PDE10A: variants seen among roughly 807,000 people sequenced by gnomAD.
The protein encoded by PDE10A is phosphodiesterase 10A.
Under a neutral mutation model 97.7 loss-of-function variants are expected in PDE10A, and 39 were observed. That is an observed-to-expected ratio of 0.40 (90% confidence interval 0.31 to 0.52). The LOEUF (loss-of-function observed/expected upper bound fraction) is 0.52. Among genes scored for constraint, PDE10A ranks in the 20% least tolerant of loss-of-function variants. The probability of loss-of-function intolerance (pLI) is 0.56; values close to 1 mark genes in which losing one functional copy is unlikely to be tolerated. For missense variants in PDE10A, 731 were observed against 1,047.8 expected (o/e 0.70, Z 4.17); for synonymous variants, 371 against 376.8 (o/e 0.98, Z 0.18).
At chr6:165,579,776 CCT>C (rs1332988146) in intron 1 of PDE10A, among the ~76,000 whole-genome samples, 2 of 152,190 alleles carry the variant, frequency 1.3e-5, no homozygotes, top group Non-Finnish European at 2.9e-5. Flanking sequence ...TTCCTCATGA[CCT>C]CTCTGACCTT....
At chr6:165,949,821 A>T (rs964863469) in intron 1 of PDE10A, 1 of 152,236 alleles carries the variant, frequency 6.6e-6, no homozygotes, top group African/African-American at 2.4e-5. Context: ...AAACGAACAC[A>T]TCCAAAGATG....
At chr6:165,894,628 A>G (rs1432115211) in intron 1 of PDE10A, 1 of 434,470 alleles carries the variant, frequency 2.3e-6, no homozygotes, top group African/African-American at 2.0e-5. Flanking sequence ...CATGAAGAAG[A>G]TAAGCAGTCT....
At chr6:165,423,851 G>GAA (rs11421666) in intron 10 of PDE10A, among the ~76,000 whole-genome samples, 65 of 142,552 alleles carry the variant, frequency 4.6e-4, no homozygotes, top group Admixed American at 1.2e-3. Context: ...TATGTCTCAG[G>GAA]AAAAAAAAAA....
intron 1 of PDE10A, among the ~76,000 whole-genome samples, chr6:165,935,739 AC>A (rs550553410): frequency 3.3e-5 from 5 of 152,340 alleles, no homozygotes; most frequent in African/African-American, 1.2e-4. Flanking sequence ...GATTAATGCC[AC>A]TATATCAGGG....
At chr6:165,612,471 C>T (rs1448839224) in intron 1 of PDE10A, among the ~76,000 whole-genome samples, 2 of 151,968 alleles carry the variant, frequency 1.3e-5, no homozygotes, top group East Asian at 1.9e-4. Context: ...CAGGTTCAAG[C>T]GATTCTCCTG....
rs1473483360 is a variant in PDE10A at position 165,388,652 on chromosome 6, CCTTT to C, written c.2455-203_2455-200del. ...CAGATAATCTAACTCATTTGTAGGC[CCTTT>C]CTTTGTTTCTCTGCTTAGGAATCTG... On this transcript the variant is annotated intron_variant, in intron 16 of 21. Coordinates refer to ENST00000539869, the MANE Select transcript of PDE10A (RefSeq NM_001385079.1). This position sits in a 1 kb window ranked among gnomAD's most constrained non-coding sequence, Gnocchi z 4.0. Among the ~76,000 whole-genome samples the C allele has an allele frequency of 6.6e-6, 1 of 152,014 alleles. No individual in the cohort carries two copies. Among genetic ancestry groups the C allele is most frequent in the Non-Finnish European group, 1.5e-5 (1 of 68,010 alleles).
chr6:165,546,522 C>T (rs555230812), intron 1 of PDE10A, among the ~76,000 whole-genome samples: 16 of 152,126 alleles, frequency 1.1e-4, no homozygotes, highest in Middle Eastern at 6.8e-3. Context: ...TATAAAACAA[C>T]CTCCCTGAAG....
chr6:165,454,367 T>G (rs1777813585), intron 3 of PDE10A, among the ~76,000 whole-genome samples: 1 of 152,172 alleles, frequency 6.6e-6, no homozygotes, highest in African/African-American at 2.4e-5. Context: ...TGAATTTTGG[T>G]GGCCAGGGGT....
intron 20 of PDE10A, among the ~76,000 whole-genome samples, 184 bp from the exon 21 acceptor site, chr6:165,336,395 T>C (rs567788873): frequency 1.2e-4 from 18 of 152,188 alleles, no homozygotes; most frequent in Non-Finnish European, 2.2e-4. Flanking sequence ...TTAAAATGCA[T>C]TAAAATGGAT....
chr6:165,521,567 T>A (rs908511853), intron 2 of PDE10A, among the ~76,000 whole-genome samples: 35 of 152,320 alleles, frequency 2.3e-4, no homozygotes, highest in Admixed American at 1.4e-3. Flanking sequence ...AACAGCTTTA[T>A]TGCTGATAGG....
At chr6:165,880,051 A>G (rs1352136746) in intron 1 of PDE10A, among the ~76,000 whole-genome samples, 5 of 152,292 alleles carry the variant, frequency 3.3e-5, no homozygotes, top group African/African-American at 1.2e-4. Context: ...ATTGGAAAGT[A>G]AAGCTCCAGA....
intron 1 of PDE10A, among the ~76,000 whole-genome samples, chr6:165,937,420 T>C (rs1431619537): frequency 6.6e-6 from 1 of 152,230 alleles, no homozygotes; most frequent in African/African-American, 2.4e-5. Flanking sequence ...TCGCATTCTC[T>C]TAAAACAACT....
At chr6:165,920,405 A>T (rs2128488222) in intron 1 of PDE10A, among the ~76,000 whole-genome samples, 1 of 152,340 alleles carries the variant, frequency 6.6e-6, no homozygotes, top group African/African-American at 2.4e-5. Flanking sequence ...CTACATGAGT[A>T]GCACTTTGTT....
At chr6:165,370,259 C>G (rs1457918323) in intron 18 of PDE10A, among the ~76,000 whole-genome samples, 7 of 148,430 alleles carry the variant, frequency 4.7e-5, no homozygotes, top group Non-Finnish European at 8.9e-5. Context: ...GGACTAAATG[C>G]TCCAATTAAA....
chr6:165,496,312 T>G (rs2128291700), intron 2 of PDE10A, among the ~76,000 whole-genome samples: 1 of 152,300 alleles, frequency 6.6e-6, no homozygotes, highest in Middle Eastern at 3.4e-3. Context: ...TTCTCAGAAC[T>G]TTTCTATGCT....
intron 1 of PDE10A, among the ~76,000 whole-genome samples, chr6:165,978,723 T>C (rs1028473132): frequency 2.0e-5 from 3 of 152,234 alleles, no homozygotes; most frequent in African/African-American, 7.2e-5. Context: ...CCAGCTAGGC[T>C]ATTACTGGGG....
At chr6:165,761,482 A>G (rs1562723100) in intron 1 of PDE10A, among the ~76,000 whole-genome samples, 2 of 152,024 alleles carry the variant, frequency 1.3e-5, no homozygotes, top group Non-Finnish European at 2.9e-5. Context: ...GGCCCATCAA[A>G]TTTTTGCAGG....
chr6:165,384,631 AGT>A (rs57175607), intron 17 of PDE10A, among the ~76,000 whole-genome samples: 5,733 of 66,764 alleles, frequency 0.086, 181 homozygotes, highest in East Asian at 0.17. Context: ...TGTGTGAGTG[AGT>A]GTGTGTGTGT....
intron 1 of PDE10A, among the ~76,000 whole-genome samples, chr6:165,983,723 A>G (rs904308400): frequency 4.6e-5 from 7 of 152,216 alleles, no homozygotes; most frequent in Admixed American, 3.9e-4. Context: ...CAACATATAT[A>G]CTTTTCTCTG....
Sources: allele counts gnomAD v4.1 joint callset (sites outside exome capture counted in the v4.1 genomes callset), GRCh38; gene constraint gnomAD v4.1.1; non-coding constraint Gnocchi (gnomAD v3.1); transcripts MANE v1.5; gene names NCBI Gene and HGNC (gene_info 2026-07-23, HGNC 2026-07-21).